Variants in ZNF442 observed in about 807,000 individuals in gnomAD.
ZNF442 encodes the protein zinc finger protein 442.
A neutral mutation model predicts 57.0 loss-of-function variants in ZNF442; 45 were observed. That is an observed-to-expected ratio of 0.79 (90% CI 0.62 to 1.01). The LOEUF (loss-of-function observed/expected upper bound fraction) is 1.01. Among genes scored for constraint, ZNF442 ranks in the 50% least tolerant of loss-of-function variants. ZNF442 has a pLI of 0.00. For missense variants in ZNF442, 690 were observed against 756.5 expected, an observed-to-expected ratio of 0.91 and a Z score of 1.03; for synonymous variants, 213 against 241.8, an observed-to-expected ratio of 0.88 and a Z score of 1.10.
At chr19:12,351,890 G>A (rs1258394248) in intron 5 of ZNF442, 120 bp downstream of exon 5, 3 of 793,782 alleles carry the variant, frequency 3.8e-6, no homozygotes, top group Admixed American at 2.8e-5. Context: ...GGAGAAAATT[G>A]TATAGGAATA....
In ZNF442 at chr19:12,364,968, C is replaced by G. The variant is rs1356244153; in HGVS notation, c.-207G>C. The G allele has an allele frequency of 6.6e-6, 1 of 152,284 alleles. No homozygotes were observed. The highest frequency in any genetic ancestry group is 2.4e-5 in the African/African-American group (1 of 41,426). The allele number at this position is 152,284 out of a possible 1,614,324, so 9.4% of individuals were successfully genotyped here. On this transcript the variant is annotated 5_prime_UTR_variant, in exon 2 of 6. Coordinates refer to ENST00000242804, the MANE Select transcript of ZNF442 (RefSeq NM_030824.3). ...TTCCAACGGAAAGGCTGGCGCCAAG[C>G]AGGGTGAAAACCCCACGAGGGAACC...
intron 3 of ZNF442, among the ~76,000 whole-genome samples, chr19:12,362,489 G>A (rs1213345846): frequency 2.6e-5 from 4 of 151,258 alleles, no homozygotes; most frequent in Non-Finnish European, 5.9e-5. Context: ...CCCAGCAGCC[G>A]CCCCGTCTGG....
Position 12,348,544 on chromosome 19 carries a change from A to C in ZNF442, c.*1157T>G, listed in dbSNP as rs138134562. ...CTGCAAATATGAAGACAGATCCTTC[A>C]GTGTGTACACATCTTCAGCCCTCAT... On this transcript the variant is annotated 3_prime_UTR_variant, in exon 6 of 6. Transcript: ENST00000242804. The C allele has an allele frequency of 1.6e-4, 25 of 152,340 alleles. No homozygotes were observed. The highest frequency in any genetic ancestry group is 6.0e-4 in the African/African-American group (25 of 41,584). The allele number at this position is 152,340 out of a possible 1,614,324, so 9.4% of individuals were successfully genotyped here.
chr19:12,371,890 A>C, the ZNF442 span, among the ~76,000 whole-genome samples: 4 of 152,228 alleles, frequency 2.6e-5, no homozygotes, highest in Non-Finnish European at 5.9e-5. Context: ...GAACAGGCAA[A>C]CATTTCATGG....
rs1969146341 is a variant in ZNF442, at chr19:12,347,386, T to C, written c.*2315A>G. On this transcript the variant is annotated 3_prime_UTR_variant, in exon 6 of 6. Transcript: ENST00000242804. ...TACTTCATTGGGTGTTGGAAACCAT[T>C]ATGGAGTGAGGAAGTCAATGATTTC... is the stretch of plus-strand genomic sequence containing the variant. 6.6e-6 allele frequency: 1 copy of C among 152,176 alleles called. No homozygotes were observed. Among genetic ancestry groups the C allele is most frequent in the Admixed American group, 6.5e-5 (1 of 15,272 alleles). 9.4% of individuals were successfully genotyped at this position (152,176 alleles called of 1,614,324 possible). A position where few individuals can be genotyped will look rare whatever the true frequency, so the allele number is the denominator to read the frequency against.
intron 3 of ZNF442, among the ~76,000 whole-genome samples, chr19:12,354,535 A>G (rs1969293517): frequency 6.6e-6 from 1 of 152,248 alleles, no homozygotes; most frequent in African/African-American, 2.4e-5. Flanking sequence ...TCTCACCAAC[A>G]AAGTTACGGC....
upstream of ZNF442, among the ~76,000 whole-genome samples, chr19:12,366,722 C>G (rs1353783831): frequency 6.6e-6 from 1 of 152,146 alleles, no homozygotes; most frequent in East Asian, 1.9e-4. Flanking sequence ...CCTCCGCCTC[C>G]CAAGTTGAAG....
rs1376650189 is a variant in ZNF442 at position 12,350,867 on chromosome 19, T to C, written c.718A>G (p.Lys240Glu). ...THTGEKPYEC[K>E]QCCKAFPIYS... The stretch of plus-strand genomic sequence containing the variant: ...ATAGGGAAGGCTTTACAACACTGCT[T>C]ACATTCATACGGTTTCTCTCCAGTG... Residue 240 changes from lysine (K) to glutamate (E), a missense_variant, in exon 6 of 6, where the codon AAG becomes GAG. Coordinates refer to ENST00000242804, the MANE Select transcript of ZNF442 (RefSeq NM_030824.3). 2 of 1,614,160 alleles carry C rather than the reference T, an allele frequency of 1.2e-6. No individual in the cohort carries two copies. Among genetic ancestry groups the C allele is most frequent in the East Asian group, 2.2e-5 (1 of 44,878 alleles).
At chr19:12,365,770 C>CG (rs1343100622), upstream of ZNF442, 1 of 176,262 alleles carries the variant, frequency 5.7e-6, no homozygotes, top group Non-Finnish European at 1.2e-5. Context: ...TTCCGCCCCC[C>CG]CAGGGAACTG....
At chr19:12,356,541 C>T (rs1369279881) in intron 3 of ZNF442, among the ~76,000 whole-genome samples, 2 of 151,744 alleles carry the variant, frequency 1.3e-5, no homozygotes, top group Admixed American at 6.6e-5. Context: ...GCAGGACAAT[C>T]GCTTGAACCC....
intron 4 of ZNF442, 134 bp downstream of exon 4, chr19:12,352,854 C>A: frequency 1.9e-6 from 2 of 1,063,466 alleles, no homozygotes; most frequent in Non-Finnish European, 2.6e-6. Context: ...GGTTGGGGAC[C>A]CAGCACCACT....
At chr19:12,353,365 AT>A (rs1241615394) in intron 3 of ZNF442, among the ~76,000 whole-genome samples, 1 of 152,194 alleles carries the variant, frequency 6.6e-6, no homozygotes, top group Non-Finnish European at 1.5e-5. Context: ...AGTGAATTTT[AT>A]TGCCGGCATC....
At chr19:12,368,607 C>G (rs1969556913), upstream of ZNF442, among the ~76,000 whole-genome samples, 5 of 152,156 alleles carry the variant, frequency 3.3e-5, no homozygotes, top group South Asian at 1.0e-3. Flanking sequence ...AGAGGGGCAA[C>G]CAGAGCAAGT....
chr19:12,353,793 A>T (rs1383908691), intron 3 of ZNF442, among the ~76,000 whole-genome samples: 1 of 152,132 alleles, frequency 6.6e-6, no homozygotes, highest in Non-Finnish European at 1.5e-5. Flanking sequence ...GAGGATTTGG[A>T]TCTCAAGAAA....
chr19:12,355,145 G>T (rs1423381128), intron 3 of ZNF442, among the ~76,000 whole-genome samples: 4 of 151,646 alleles, frequency 2.6e-5, no homozygotes, highest in Non-Finnish European at 1.5e-5. Flanking sequence ...CAAAAAACTA[G>T]CCGGGCGTGG....
chr19:12,346,976 T>C lies in ZNF442; in HGVS notation c.*2725A>G, dbSNP rs529134394. Reference sequence around the variant, plus strand: ...GTAATTACATGTATGGAACACTAAGTAGATAGAGCAAGTAGCACAGTAACA... The same window carrying C: ...GTAATTACATGTATGGAACACTAAGCAGATAGAGCAAGTAGCACAGTAACA... On this transcript the variant is annotated 3_prime_UTR_variant, in exon 6 of 6. Transcript: ENST00000242804. 3 of 152,284 alleles carry C rather than the reference T, an allele frequency of 2.0e-5. No individual in the cohort carries two copies. The South Asian group carries it at 6.2e-4, about 32-fold the overall frequency. The allele number at this position is 152,284 out of a possible 1,614,324, so 9.4% of individuals were successfully genotyped here.
rs1273847416 is a variant in ZNF442, at chr19:12,350,564, T to C, written c.1021A>G (p.Ile341Val). 1.1e-5 allele frequency: 17 copies of C among 1,613,904 alleles called. No homozygotes were observed. The East Asian group carries it at 3.1e-4, about 30-fold the overall frequency. Reference protein sequence around the residue: ...HHLGSFQRHMIRHTGDGPHKC... With the variant: ...HHLGSFQRHMVRHTGDGPHKC... The stretch of plus-strand genomic sequence containing the variant: ...TGAGGTCCATCTCCAGTGTGCCTTA[T>C]CATGTGTCTTTGAAAGCTTCCCAGA... Residue 341 changes from isoleucine to valine, a missense_variant, in exon 6 of 6, where the codon ATA becomes GTA. Coordinates refer to ENST00000242804, the MANE Select transcript of ZNF442 (RefSeq NM_030824.3).
upstream of ZNF442, among the ~76,000 whole-genome samples, chr19:12,367,678 T>TATA (rs200042036): frequency 6.8e-6 from 1 of 147,206 alleles, no homozygotes; most frequent in African/African-American, 2.7e-5. Flanking sequence ...ATTATATATA[T>TATA]TTTTTTGAGA....
At chr19:12,373,056 G>C in the ZNF442 span, among the ~76,000 whole-genome samples, 1 of 152,278 alleles carries the variant, frequency 6.6e-6, no homozygotes, top group South Asian at 2.1e-4. Flanking sequence ...ACAGGTGTCA[G>C]CCACCGCACC....
Sources: allele counts gnomAD v4.1 joint callset (sites outside exome capture counted in the v4.1 genomes callset), GRCh38; gene constraint gnomAD v4.1.1; transcripts MANE v1.5; gene names NCBI Gene and HGNC (gene_info 2026-07-23, HGNC 2026-07-21).